DNAH6: variants seen among roughly 807,000 people sequenced by gnomAD.
The protein encoded by DNAH6 is axonemal beta dynein heavy chain 6.
In DNAH6, 340 loss-of-function variants were observed where a neutral mutation model predicts 491.4. The observed-to-expected ratio is 0.69, with a 90% CI of 0.63 to 0.76. The LOEUF (loss-of-function observed/expected upper bound fraction) is 0.76, where lower values mean the gene tolerates loss of function less well. DNAH6 is among the 30% of genes least tolerant of loss of function. The pLI, the probability that DNAH6 is intolerant of heterozygous loss-of-function variation, is 0.00. For missense variants in DNAH6, 4,443 were observed against 4,972.2 expected, an observed-to-expected ratio of 0.89 and a Z score of 3.20; for synonymous variants, 1,603 against 1,686.1, an observed-to-expected ratio of 0.95 and a Z score of 1.21.
At chr2:84,755,139 T>C (rs1192349) in intron 63 of DNAH6, among the ~76,000 whole-genome samples, 9,506 of 152,286 alleles carry the variant, frequency 0.062, 347 homozygotes, top group African/African-American at 0.096. Context: ...ACAGCAGTGT[T>C]AAGCAGTGAT....
Position 84,604,387 on chromosome 2 carries a change from T to A in DNAH6, c.2917T>A (p.Trp973Arg). ...GAACCCGACTTTGAAGGCAAGACAT[T>A]GGGCAGCTATTGAACAAACAGTTGA... ...LRNPTLKARH[W>R]AAIEQTVDAT... Residue 973 changes from tryptophan (W) to arginine (R), a missense_variant, in exon 19 of 77, where the codon TGG (tryptophan) becomes AGG (arginine). This residue lies in a region of DNAH6 where 2,977 missense variants were observed against 3,296.6 expected (regional missense o/e 0.90). Coordinates refer to ENST00000389394, the MANE Select transcript of DNAH6 (RefSeq NM_001370.2). 1.3e-6 allele frequency: 2 copies of A among 1,552,246 alleles called. No individual in the cohort carries two copies. Among genetic ancestry groups the A allele is most frequent in the Non-Finnish European group, 1.7e-6 (2 of 1,147,086 alleles).
intron 33 of DNAH6, among the ~76,000 whole-genome samples, chr2:84,648,740 G>C (rs1439383486): frequency 3.3e-5 from 5 of 152,222 alleles, no homozygotes; most frequent in Non-Finnish European, 7.3e-5. Flanking sequence ...AGTTTCCTGA[G>C]ATGGGATCTA....
intron 62 of DNAH6, among the ~76,000 whole-genome samples, chr2:84,738,430 A>G (rs533880042): frequency 2.6e-5 from 4 of 152,080 alleles, no homozygotes; most frequent in Non-Finnish European, 4.4e-5. Context: ...ATCAAATGCT[A>G]TCAATGGGGT....
In DNAH6 at chr2:84,704,140, A is replaced by G; in HGVS notation, c.8303A>G (p.Asp2768Gly). The change falls in exon 51 of 77, where the codon GAT becomes GGT. Residue 2768 changes from aspartate (D) to glycine (G), a missense_variant. By Grantham distance (94) the Asp-to-Gly change is moderately conservative (BLOSUM62 -1). Coordinates refer to ENST00000389394, the MANE Select transcript of DNAH6 (RefSeq NM_001370.2). Reference sequence around the variant, plus strand: ...GAAGAAACCCAAGCAATAGCTGATGATGCTCAAAGAGATCTTGACGAGGCA... The same window carrying G: ...GAAGAAACCCAAGCAATAGCTGATGGTGCTCAAAGAGATCTTGACGAGGCA... ...KAEETQAIAD[D>G]AQRDLDEALP... 1.3e-6 allele frequency: 2 copies of G among 1,551,928 alleles called. No homozygotes were observed. The highest frequency in any genetic ancestry group is 1.7e-6 in the Non-Finnish European group (2 of 1,147,042).
chr2:84,753,593 A>C (rs6723303), intron 63 of DNAH6, among the ~76,000 whole-genome samples: 15,733 of 151,564 alleles, frequency 0.1, 852 homozygotes, highest in Middle Eastern at 0.11. Flanking sequence ...CCCCGTCTCT[A>C]CTAAAAATAC....
intron 37 of DNAH6, among the ~76,000 whole-genome samples, chr2:84,665,915 G>T (rs188017131): frequency 6.6e-6 from 1 of 152,100 alleles, no homozygotes; most frequent in Non-Finnish European, 1.5e-5. Flanking sequence ...GATCAAGTGG[G>T]CTTCATCCCT....
At chr2:84,765,014 A>G (rs1052050153) in intron 64 of DNAH6, among the ~76,000 whole-genome samples, 11 of 49,598 alleles carry the variant, frequency 2.2e-4, no homozygotes, top group Non-Finnish European at 3.2e-4. Context: ...AAATGAATAA[A>G]CTAGAATAAT....
At chr2:84,504,761 A>G in the DNAH6 span, among the ~76,000 whole-genome samples, 1 of 152,192 alleles carries the variant, frequency 6.6e-6, no homozygotes, top group Non-Finnish European at 1.5e-5. Context: ...TGATAATTGT[A>G]GCTTTGTAGT....
At chr2:84,812,962 C>G in intron 73 of DNAH6, 96 bp from the exon 74 acceptor site, 1 of 1,020,244 alleles carries the variant, frequency 9.8e-7, no homozygotes, top group South Asian at 1.4e-5. Flanking sequence ...GCTTTAGATT[C>G]TGCCTCCTGA....
rs1674716863 is a variant in DNAH6, at chr2:84,762,818, C to T, written c.10576C>T (p.Pro3526Ser). ...TGGAAAACAGTTTATAGAGACACCA[C>T]CTGTGGACCTGCCTACCCTGTATCA... Reference protein sequence around the residue: ...NLGKQFIETPPVDLPTLYQDM... With the variant: ...NLGKQFIETPSVDLPTLYQDM... The change falls in exon 64 of 77, where the codon CCT becomes TCT. Residue 3526 changes from proline (P) to serine (S), a missense_variant. Pro to Ser is a moderately conservative substitution (Grantham distance 74). Coordinates refer to ENST00000389394, the MANE Select transcript of DNAH6 (RefSeq NM_001370.2). The T allele has an allele frequency of 1.3e-6, 2 of 1,551,068 alleles. No homozygotes were observed. The highest frequency in any genetic ancestry group is 1.4e-5 in the African/African-American group (1 of 72,982).
intron 61 of DNAH6, 44 bp from the exon 62 acceptor site, chr2:84,733,400 T>C (rs1355330272): frequency 6.6e-7 from 1 of 1,526,470 alleles, no homozygotes; most frequent in Non-Finnish European, 8.9e-7. Context: ...GTATATTTTG[T>C]GATTGCCTTT....
intron 41 of DNAH6, among the ~76,000 whole-genome samples, chr2:84,677,796 G>A (rs138240081): frequency 1.1e-3 from 168 of 152,314 alleles, no homozygotes; most frequent in African/African-American, 3.9e-3. Flanking sequence ...AGGTTGCTTA[G>A]AGAAGAGAGA....
the DNAH6 span, among the ~76,000 whole-genome samples, chr2:84,509,973 C>G: frequency 9.9e-5 from 15 of 152,236 alleles, no homozygotes; most frequent in African/African-American, 3.1e-4. Flanking sequence ...TCCCTTTGTG[C>G]GTAACCCGAC....
chr2:84,763,092 G>A (rs988289916), intron 64 of DNAH6, 147 bp downstream of exon 64: 159 of 641,924 alleles, frequency 2.5e-4, no homozygotes, highest in Admixed American at 2.0e-3. Context: ...TTAATAGTTA[G>A]CTATTGTTAA....
intron 30 of DNAH6, among the ~76,000 whole-genome samples, chr2:84,636,909 A>G (rs1167596166): frequency 1.3e-5 from 2 of 151,962 alleles, no homozygotes; most frequent in Non-Finnish European, 1.5e-5. Flanking sequence ...AAAAAAATAG[A>G]AAGTTGAATT....
intron 13 of DNAH6, among the ~76,000 whole-genome samples, chr2:84,577,913 G>T (rs1682626808): frequency 6.6e-6 from 1 of 152,170 alleles, no homozygotes; most frequent in African/African-American, 2.4e-5. Context: ...CCCACAGAAA[G>T]ACAATGATAT....
At chr2:84,811,864 A>C (rs914362708) in intron 72 of DNAH6, among the ~76,000 whole-genome samples, 2 of 151,664 alleles carry the variant, frequency 1.3e-5, no homozygotes, top group African/African-American at 4.8e-5. Flanking sequence ...TGTCTCAAAA[A>C]AAAAAAAAAA....
At chr2:84,705,840 C>G in intron 52 of DNAH6, 93 bp downstream of exon 52, 1 of 1,323,368 alleles carries the variant, frequency 7.6e-7, no homozygotes, top group Non-Finnish European at 1.0e-6. Flanking sequence ...TGGTCCTACG[C>G]AATATAGACA....
chr2:84,544,304 A>G lies in DNAH6; in HGVS notation c.734A>G (p.Tyr245Cys). 6.5e-7 allele frequency: 1 copy of G among 1,532,852 alleles called. No individual in the cohort carries two copies. The allele number at this position is 1,532,852 out of a possible 1,614,324, so 95.0% of individuals were successfully genotyped here. A position where few individuals can be genotyped will look rare whatever the true frequency, so the allele number is the denominator to read the frequency against. Residue 245 changes from tyrosine to cysteine, a missense_variant, in exon 5 of 77, where the codon TAT (tyrosine) becomes TGT (cysteine). Physicochemically the swap from Tyr to Cys is radical, Grantham distance 194 (BLOSUM62 -2). Around this residue, in one of 3 missense-constraint regions of DNAH6, gnomAD observed 2,977 missense variants for 3,296.6 expected, o/e 0.90. Transcript: ENST00000389394. ...AGCCAAAGGGCAGTAACACACATTT[A>G]TAATGAAGACATTGAATTTATCGAA... ...TISQRAVTHI[Y>C]NEDIEFIEID...
Sources: allele counts gnomAD v4.1 joint callset (sites outside exome capture counted in the v4.1 genomes callset), GRCh38; gene constraint gnomAD v4.1.1; regional missense constraint gnomAD v4.1.1; transcripts MANE v1.5; gene names NCBI Gene and HGNC (gene_info 2026-07-23, HGNC 2026-07-21).